The following DIP2C variants were observed in gnomAD, a reference collection of about 807,000 sequenced individuals.
DIP2C encodes disco-interacting protein 2 homolog C.
A neutral mutation model predicts 192.4 loss-of-function variants in DIP2C; 33 were observed. The observed-to-expected ratio is 0.17, with a 90% CI of 0.13 to 0.23. The LOEUF is 0.23. Among genes scored for constraint, DIP2C ranks in the 10% least tolerant of loss-of-function variants. The probability of loss-of-function intolerance (pLI) is 1.00; values close to 1 mark genes in which losing one functional copy is unlikely to be tolerated. For synonymous variants in DIP2C, 979 were observed against 864.1 expected (o/e 1.13, Z -2.33); for missense variants, 1,537 against 2,110.1 (o/e 0.73, Z 5.32).
intron 1 of DIP2C, among the ~76,000 whole-genome samples, chr10:605,774 G>A (rs1852415375): frequency 6.6e-6 from 1 of 152,180 alleles, no homozygotes; most frequent in Non-Finnish European, 1.5e-5. Flanking sequence ...GCCTTCTCAG[G>A]GCTATGATAC....
At chr10:379,019 T>C (rs1354997253) in intron 17 of DIP2C, among the ~76,000 whole-genome samples, 4 of 152,226 alleles carry the variant, frequency 2.6e-5, no homozygotes, top group African/African-American at 9.6e-5. Context: ...GGTCATTCTT[T>C]TTTGGAGACT....
At chr10:485,652 G>C (rs1843963111) in intron 2 of DIP2C, among the ~76,000 whole-genome samples, 1 of 152,202 alleles carries the variant, frequency 6.6e-6, no homozygotes, top group South Asian at 2.1e-4. Flanking sequence ...ATCGGGGTTT[G>C]TGCAGGTGTG....
In DIP2C at chr10:399,238, C is replaced by T. The variant is rs574468332; in HGVS notation, c.1150-19G>A. 16 of 1,609,944 alleles carry T rather than the reference C, an allele frequency of 9.9e-6. No individual in the cohort carries two copies. The highest frequency in any genetic ancestry group is 5.5e-5 in the South Asian group (5 of 91,000). ...GTGCCACCTGTGGGACAGGCCAGAG[C>T]GGGTCAGCATTAACGTGGGGTCCTG... On this transcript the variant is annotated intron_variant, in intron 9 of 36. Transcript: ENST00000280886.
intron 4 of DIP2C, chr10:437,496 G>A (rs764084501): frequency 6.6e-6 from 1 of 152,380 alleles, no homozygotes; most frequent in Non-Finnish European, 1.5e-5. Context: ...CTGAGCCACG[G>A]TCTGCAGGTG....
chr10:309,488 G>A (rs1956479531), intron 32 of DIP2C, among the ~76,000 whole-genome samples: 1 of 151,952 alleles, frequency 6.6e-6, no homozygotes, highest in Non-Finnish European at 1.5e-5. Context: ...CTTCCAGTGA[G>A]ATGGTCAGAT....
chr10:642,009 C>A (rs1207389693), intron 1 of DIP2C, among the ~76,000 whole-genome samples: 1 of 151,956 alleles, frequency 6.6e-6, no homozygotes, highest in South Asian at 2.1e-4. Context: ...GGCAACAGGG[C>A]GAGACCCTGT....
intron 3 of DIP2C, among the ~76,000 whole-genome samples, chr10:444,844 T>C (rs1414241383): frequency 6.6e-6 from 1 of 152,274 alleles, no homozygotes; most frequent in East Asian, 1.9e-4. Context: ...GAGAGAGATT[T>C]ACGTTGTTTC....
intron 1 of DIP2C, among the ~76,000 whole-genome samples, chr10:618,166 A>G (rs1588615645): frequency 6.6e-6 from 1 of 152,278 alleles, no homozygotes; most frequent in Non-Finnish European, 1.5e-5. Flanking sequence ...TGTGAGTTAC[A>G]CATCTGCCAA....
intron 1 of DIP2C, among the ~76,000 whole-genome samples, chr10:627,723 A>C (rs1588633299): frequency 2.0e-5 from 3 of 152,400 alleles, no homozygotes; most frequent in South Asian, 4.1e-4. Context: ...CGTGCACGCA[A>C]GAGCGAGGCT....
chr10:600,254 G>C (rs919327052), intron 1 of DIP2C, among the ~76,000 whole-genome samples: 1 of 152,118 alleles, frequency 6.6e-6, no homozygotes, highest in African/African-American at 2.4e-5. Context: ...GGTTCCTCTG[G>C]AGTCACTGCC....
chr10:638,842 C>T (rs1177448083), intron 1 of DIP2C, among the ~76,000 whole-genome samples: 1 of 152,242 alleles, frequency 6.6e-6, no homozygotes, highest in African/African-American at 2.4e-5. Flanking sequence ...GAGGTGCCCG[C>T]GAAGGCATCA....
chr10:366,581 G>A (rs192507931), intron 18 of DIP2C, among the ~76,000 whole-genome samples, 170 bp from the exon 19 acceptor site: 7 of 152,186 alleles, frequency 4.6e-5, no homozygotes, highest in African/African-American at 1.7e-4. Context: ...AGAGCCATGA[G>A]TTTTCCTGTT....
intron 1 of DIP2C, among the ~76,000 whole-genome samples, chr10:618,221 T>G (rs1486172110): frequency 6.6e-6 from 1 of 152,236 alleles, no homozygotes; most frequent in Non-Finnish European, 1.5e-5. Flanking sequence ...TTCTTATGTA[T>G]GGTCAAATGG....
chr10:579,246 C>T (rs1480221730), intron 1 of DIP2C, among the ~76,000 whole-genome samples: 2 of 151,830 alleles, frequency 1.3e-5, no homozygotes, highest in African/African-American at 4.8e-5. Context: ...TACATAGGTA[C>T]ACTAACATGT....
chr10:440,836 A>C lies in DIP2C; in HGVS notation c.394+35T>G, dbSNP rs748847159. ...AGGTCAATTCTGAGGTGCCCGGCAC[A>C]TTCAGGAGGCCGTGTCGGGGAGCGT... On this transcript the variant is annotated intron_variant, in intron 4 of 36. Transcript: ENST00000280886. 4 of 1,596,900 alleles carry C rather than the reference A, an allele frequency of 2.5e-6. No individual in the cohort carries two copies. In the East Asian group the frequency reaches 8.9e-5, roughly 36 times the overall value.
chr10:645,329 G>T (rs1009083698), intron 1 of DIP2C, among the ~76,000 whole-genome samples: 3 of 152,166 alleles, frequency 2.0e-5, no homozygotes, highest in Non-Finnish European at 2.9e-5. Context: ...CACGGCTGCA[G>T]GGGGTGTGGT....
chr10:434,430 T>A (rs1449412082), intron 4 of DIP2C, among the ~76,000 whole-genome samples: 1 of 152,124 alleles, frequency 6.6e-6, no homozygotes, highest in Non-Finnish European at 1.5e-5. Flanking sequence ...ACTACAGGTG[T>A]CAGCCACCAT....
At chr10:634,577 CCT>C (rs1402327343) in intron 1 of DIP2C, among the ~76,000 whole-genome samples, 2 of 152,022 alleles carry the variant, frequency 1.3e-5, no homozygotes, top group African/African-American at 4.8e-5. Context: ...AGAGTGAAAC[CCT>C]GTCTCTACTA....
At chr10:468,460 T>C (rs563725302) in intron 3 of DIP2C, among the ~76,000 whole-genome samples, 99 of 152,278 alleles carry the variant, frequency 6.5e-4, no homozygotes, top group African/African-American at 2.2e-3. Flanking sequence ...TCAGTCATTA[T>C]TGATTAAAAC....
Sources: gnomAD v4.1 joint callset for allele counts (sites outside exome capture counted in the v4.1 genomes callset) on GRCh38, gnomAD v4.1.1 for gene constraint, MANE v1.5 for transcripts, NCBI Gene and HGNC (gene_info 2026-07-23, HGNC 2026-07-21) for gene names.